Variants in SPRY3 observed in about 807,000 individuals in gnomAD.
SPRY3 encodes the protein sprouty RTK signaling antagonist 3.
Under a neutral mutation model 20.2 loss-of-function variants are expected in SPRY3, and 15 were observed. The observed-to-expected ratio is 0.74, with a 90% CI of 0.50 to 1.14. The LOEUF is 1.14. Among genes scored for constraint, SPRY3 ranks in the 50% most tolerant of loss-of-function variants. The probability of loss-of-function intolerance (pLI) is 0.00; values close to 1 mark genes in which losing one functional copy is unlikely to be tolerated. For synonymous variants in SPRY3, 143 were observed against 136.5 expected (o/e 1.05, Z -0.33); for missense variants, 364 against 363.9 (o/e 1.00, Z 0.00).
exon 3 of SPRY3, chrX:155,768,022 C>T (rs2091354103): frequency 6.6e-6 from 1 of 152,136 alleles, no homozygotes; most frequent in Admixed American, 6.6e-5. Context: ...AGTTTTCATT[C>T]AGACTTTCCG....
At chrX:155,688,778 T>A (rs1428641805) in intron 2 of SPRY3, among the ~76,000 whole-genome samples, 2 of 101,866 alleles carry the variant, frequency 2.0e-5, no homozygotes, top group Non-Finnish European at 4.0e-5. Flanking sequence ...GTTTGCTACA[T>A]TTATCAACCC....
At chrX:155,697,500 TACAC>T (rs35884004) in intron 2 of SPRY3, among the ~76,000 whole-genome samples, 4 of 96,669 alleles carry the variant, frequency 4.1e-5, no homozygotes, top group Non-Finnish European at 8.2e-5. Context: ...ATTATACACA[TACAC>T]ACACACACAC....
exon 4 of SPRY3, chrX:155,775,518 A>T (rs1363054313): frequency 6.0e-6 from 1 of 167,120 alleles, no homozygotes; most frequent in African/African-American, 2.4e-5. Context: ...GAAATGGATT[A>T]CTGTAATGAA....
At chrX:155,677,852 G>A (rs2068062516) in intron 2 of SPRY3, among the ~76,000 whole-genome samples, 2 of 111,443 alleles carry the variant, frequency 1.8e-5, no homozygotes, top group Non-Finnish European at 3.8e-5. Context: ...TATCAGAGCA[G>A]AAAGATTATC....
At chrX:155,631,320 C>T (rs2067905774) in intron 1 of SPRY3, among the ~76,000 whole-genome samples, 1 of 112,186 alleles carries the variant, frequency 8.9e-6, no homozygotes. Context: ...TGTATATGTA[C>T]TGTATTTTTT....
intron 2 of SPRY3, among the ~76,000 whole-genome samples, chrX:155,744,047 G>A (rs1348314335): frequency 6.6e-6 from 1 of 152,090 alleles, no homozygotes; most frequent in Non-Finnish European, 1.5e-5. Context: ...GGGCAACTTT[G>A]GCTGGAGGGG....
intron 2 of SPRY3, among the ~76,000 whole-genome samples, chrX:155,711,491 G>T (rs1397913496): frequency 7.2e-6 from 1 of 139,584 alleles, no homozygotes; most frequent in Non-Finnish European, 1.5e-5. Context: ...TGTGGTATCA[G>T]TTGCTATGTC....
At chrX:155,636,728 C>A (rs1454030792) in intron 1 of SPRY3, among the ~76,000 whole-genome samples, 1 of 109,903 alleles carries the variant, frequency 9.1e-6, no homozygotes, top group Non-Finnish European at 1.9e-5. Context: ...TAAAAATTTT[C>A]AGATGGGACT....
At chrX:155,763,367 T>C (rs2091311868) in intron 2 of SPRY3, among the ~76,000 whole-genome samples, 1 of 152,178 alleles carries the variant, frequency 6.6e-6, no homozygotes, top group Non-Finnish European at 1.5e-5. Flanking sequence ...ATTCTCACTG[T>C]CAATTCCCTA....
chrX:155,652,117 G>A (rs932865059), intron 1 of SPRY3, among the ~76,000 whole-genome samples: 1 of 111,021 alleles, frequency 9.0e-6, no homozygotes, highest in African/African-American at 3.3e-5. Flanking sequence ...GGAGAACAGC[G>A]AGGAGGAAAT....
chrX:155,672,055 T>TA (rs1557354807), intron 2 of SPRY3, among the ~76,000 whole-genome samples: 1 of 111,670 alleles, frequency 9.0e-6, no homozygotes, highest in Non-Finnish European at 1.9e-5. Context: ...TGTAGCCTTG[T>TA]AGTATAGTTT....
intron 2 of SPRY3, among the ~76,000 whole-genome samples, chrX:155,660,397 A>AT (rs1338989754): frequency 9.0e-6 from 1 of 111,703 alleles, no homozygotes; most frequent in East Asian, 2.8e-4. Flanking sequence ...ATTTAACAGG[A>AT]TTTTGATTTT....
intron 1 of SPRY3, among the ~76,000 whole-genome samples, chrX:155,653,790 G>T (rs1557352710): frequency 8.9e-6 from 1 of 111,777 alleles, no homozygotes. Context: ...TATAGAAAAG[G>T]TTATTGGGAC....
chrX:155,716,295 T>A (rs2091021994), intron 2 of SPRY3, among the ~76,000 whole-genome samples: 1 of 152,214 alleles, frequency 6.6e-6, no homozygotes, highest in Non-Finnish European at 1.5e-5. Flanking sequence ...GGAATCATAC[T>A]CTTCAACCCT....
intron 2 of SPRY3, among the ~76,000 whole-genome samples, chrX:155,718,803 A>C (rs2091037820): frequency 6.6e-6 from 1 of 152,186 alleles, no homozygotes; most frequent in African/African-American, 2.4e-5. Flanking sequence ...AGGCTTTCTG[A>C]AGCCAAACGC....
At chrX:155,740,288 A>G (rs2091197124) in intron 2 of SPRY3, among the ~76,000 whole-genome samples, 1 of 152,174 alleles carries the variant, frequency 6.6e-6, no homozygotes, top group Admixed American at 6.5e-5. Flanking sequence ...ACCTTGAAAA[A>G]GAACAGAATA....
intron 3 of SPRY3, among the ~76,000 whole-genome samples, chrX:155,770,543 G>A (rs73638004): frequency 5.4e-4 from 82 of 152,082 alleles, no homozygotes; most frequent in African/African-American, 1.8e-3. Context: ...GAGGCACTAC[G>A]TGACAAAAAT....
exon 4 of SPRY3, chrX:155,774,184 C>A: frequency 1.9e-6 from 3 of 1,614,022 alleles, no homozygotes; most frequent in Non-Finnish European, 2.5e-6. Flanking sequence ...CAGCATTACA[C>A]CCTCACCTTC....
chrX:155,778,198 C>T (rs747461295), downstream of SPRY3: 1 of 167,120 alleles, frequency 6.0e-6, no homozygotes, highest in East Asian at 1.9e-4. Context: ...ATATAGAAGG[C>T]TGGAGCACAG....
Sources: gnomAD v4.1 joint callset for allele counts (sites outside exome capture counted in the v4.1 genomes callset) on GRCh38, gnomAD v4.1.1 for gene constraint, MANE v1.5 for transcripts, NCBI Gene and HGNC (gene_info 2026-07-23, HGNC 2026-07-21) for gene names.